Variants in NSUN6 observed in about 807,000 individuals in gnomAD.
The protein encoded by NSUN6 is tRNA (cytosine(72)-C(5))-methyltransferase NSUN6.
In NSUN6, 64 loss-of-function variants were observed where a neutral mutation model predicts 58.0. That is an observed-to-expected ratio of 1.10 (90% CI 0.90 to 1.36). NSUN6 has a LOEUF of 1.36. Among genes scored for constraint, NSUN6 ranks in the 40% most tolerant of loss-of-function variants. The pLI, the probability that NSUN6 is intolerant of heterozygous loss-of-function variation, is 0.00. For synonymous variants in NSUN6, 231 were observed against 193.9 expected, an observed-to-expected ratio of 1.19 and a Z score of -1.59; for missense variants, 701 against 550.1, an observed-to-expected ratio of 1.27 and a Z score of -2.74.
upstream of NSUN6, among the ~76,000 whole-genome samples, chr10:18,656,607 C>T (rs908566492): frequency 1.3e-5 from 2 of 152,164 alleles, no homozygotes; most frequent in African/African-American, 4.8e-5. Context: ...CTACAGCTAG[C>T]TCTTCCAAGT....
intron 8 of NSUN6, among the ~76,000 whole-genome samples, chr10:18,584,159 A>T (rs2057025693): frequency 6.6e-6 from 1 of 152,084 alleles, no homozygotes; most frequent in Non-Finnish European, 1.5e-5. Context: ...GGGCACTTTC[A>T]TCCACCAGGA....
At chr10:18,632,412 A>C (rs1352603604) in intron 3 of NSUN6, among the ~76,000 whole-genome samples, 44 of 141,374 alleles carry the variant, frequency 3.1e-4, no homozygotes, top group Non-Finnish European at 5.1e-4. Flanking sequence ...AATGGGATCT[A>C]ATTAAACTAA....
intron 6 of NSUN6, among the ~76,000 whole-genome samples, chr10:18,608,533 G>A (rs2058118497): frequency 6.6e-6 from 1 of 151,768 alleles, no homozygotes. Context: ...CTACCCAGGA[G>A]GCTGAGGTGG....
chr10:18,597,499 C>T (rs2057637797), intron 6 of NSUN6, among the ~76,000 whole-genome samples: 1 of 152,066 alleles, frequency 6.6e-6, no homozygotes, highest in Admixed American at 6.6e-5. Context: ...GCCAGGAGTG[C>T]TGGTTCATGC....
At chr10:18,638,796 G>T (rs1041562777) in intron 3 of NSUN6, among the ~76,000 whole-genome samples, 31 of 151,898 alleles carry the variant, frequency 2.0e-4, no homozygotes, top group African/African-American at 7.3e-4. Flanking sequence ...AAGGGCAGGG[G>T]GTGCGGGAAA....
intron 5 of NSUN6, among the ~76,000 whole-genome samples, chr10:18,613,181 CA>C (rs1221686650): frequency 1.3e-5 from 2 of 152,064 alleles, no homozygotes; most frequent in African/African-American, 4.8e-5. Context: ...GGGCTCACTG[CA>C]ACCCCCCGGG....
chr10:18,588,110 C>T (rs2057238239), intron 7 of NSUN6, among the ~76,000 whole-genome samples: 1 of 152,178 alleles, frequency 6.6e-6, no homozygotes, highest in Non-Finnish European at 1.5e-5. Context: ...ACTGAGTCTT[C>T]AGGAGGCTGT....
chr10:18,576,206 C>T (rs1223544972), intron 8 of NSUN6, among the ~76,000 whole-genome samples: 1 of 152,104 alleles, frequency 6.6e-6, no homozygotes, highest in African/African-American at 2.4e-5. Flanking sequence ...CTAGTATTAA[C>T]ATAACCAAGT....
intron 2 of NSUN6, 26 bp from the exon 3 acceptor site, chr10:18,642,581 A>G (rs764514624): frequency 1.8e-6 from 2 of 1,125,614 alleles, no homozygotes; most frequent in Non-Finnish European, 2.7e-6. Flanking sequence ...ATGATTATAA[A>G]GTAATCCATA....
chr10:18,601,675 A>AT (rs1199802225), intron 6 of NSUN6, among the ~76,000 whole-genome samples: 3 of 152,026 alleles, frequency 2.0e-5, no homozygotes, highest in South Asian at 2.1e-4. Context: ...AGCAGTTCTC[A>AT]TTTTTTTACT....
intron 6 of NSUN6, among the ~76,000 whole-genome samples, chr10:18,600,939 A>ATATAT (rs1287443145): frequency 2.5e-4 from 8 of 31,600 alleles, no homozygotes; most frequent in Admixed American, 1.7e-3. Flanking sequence ...AAAAAAAAAA[A>ATATAT]AAATATATAT....
chr10:18,601,521 T>TCTCTAGTGAGGAAAACCA (rs71402186), intron 6 of NSUN6, among the ~76,000 whole-genome samples: 79,450 of 151,684 alleles, frequency 0.52, 21,521 homozygotes, highest in East Asian at 0.98. Flanking sequence ...GTAATTTTCC[T>TCTCTAGTGAGGAAAACCA]AGTGGCTGGA....
intron 3 of NSUN6, among the ~76,000 whole-genome samples, chr10:18,616,776 T>A (rs1412975420): frequency 1.1e-4 from 16 of 152,174 alleles, no homozygotes; most frequent in Non-Finnish European, 1.9e-4. Flanking sequence ...GTTTCTCACA[T>A]TCATTTCTTA....
chr10:18,594,245 T>C (rs1452244191), intron 7 of NSUN6, among the ~76,000 whole-genome samples: 3 of 152,090 alleles, frequency 2.0e-5, no homozygotes, highest in Admixed American at 6.6e-5. Flanking sequence ...TCATATATTT[T>C]AAAACATACT....
chr10:18,581,527 C>T (rs889896304), intron 8 of NSUN6, among the ~76,000 whole-genome samples: 6 of 152,008 alleles, frequency 3.9e-5, no homozygotes, highest in Admixed American at 1.3e-4. Context: ...AAGAAATAGC[C>T]ATAAAAATGG....
intron 7 of NSUN6, among the ~76,000 whole-genome samples, chr10:18,587,982 G>T (rs1052920564): frequency 6.6e-6 from 1 of 152,122 alleles, no homozygotes; most frequent in Non-Finnish European, 1.5e-5. Context: ...GTCTCACTCA[G>T]TAGGTCCCAC....
chr10:18,589,081 T>G (rs181780688), intron 7 of NSUN6, among the ~76,000 whole-genome samples: 40 of 152,260 alleles, frequency 2.6e-4, no homozygotes, highest in Non-Finnish European at 5.6e-4. Flanking sequence ...ATAAATGACC[T>G]GATGGAGCTG....
chr10:18,602,957 T>C (rs1266195093), intron 6 of NSUN6, among the ~76,000 whole-genome samples: 1 of 152,188 alleles, frequency 6.6e-6, no homozygotes, highest in Non-Finnish European at 1.5e-5. Context: ...TTGACCAAAA[T>C]ATACAACCTC....
chr10:18,554,077 ATGGAATGGAGAC>A (rs1459515091), intron 8 of NSUN6, among the ~76,000 whole-genome samples: 2 of 151,690 alleles, frequency 1.3e-5, no homozygotes, highest in African/African-American at 2.4e-5. Flanking sequence ...ATAGAATGCA[ATGGAATGGAGAC>A]TGGAATGGAA....
Sources: gnomAD v4.1 joint callset for allele counts (sites outside exome capture counted in the v4.1 genomes callset) on GRCh38, gnomAD v4.1.1 for gene constraint, MANE v1.5 for transcripts, NCBI Gene and HGNC (gene_info 2026-07-23, HGNC 2026-07-21) for gene names.